The following WSCD1 variants were observed in gnomAD, a reference collection of about 807,000 sequenced individuals.
The protein encoded by WSCD1 is sialate:O-sulfotransferase 1.
In WSCD1, 41 loss-of-function variants were observed where a neutral mutation model predicts 60.4. The observed-to-expected ratio is 0.68, with a 90% CI of 0.53 to 0.88. The LOEUF (loss-of-function observed/expected upper bound fraction) is 0.88. Ranked by LOEUF, WSCD1 falls within the 40% of genes least tolerant of loss-of-function variation. The pLI is 0.00. For missense variants in WSCD1, 784 were observed against 796.2 expected (o/e 0.98, Z 0.18); for synonymous variants, 361 against 332.5 (o/e 1.09, Z -0.93).
Position 6,110,737 on chromosome 17 carries a change from G to A in WSCD1, c.1010-34G>A. 1 of 1,583,766 alleles carries A rather than the reference G, an allele frequency of 6.3e-7. No individual in the cohort carries two copies. The highest frequency in any genetic ancestry group is 8.6e-7 in the Non-Finnish European group (1 of 1,158,974). On this transcript the variant is annotated intron_variant, in intron 6 of 8. Coordinates refer to ENST00000317744, the MANE Select transcript of WSCD1 (RefSeq NM_015253.2). The surrounding 1 kb of genome is among the most constrained non-coding windows in gnomAD (Gnocchi z 4.8). ...GGTGAATTGGTGAGTCATAATGGAAGTGAGTAACCCCGTGATGACTTTTGG... is the reference window on the plus strand; with the variant it reads ...GGTGAATTGGTGAGTCATAATGGAAATGAGTAACCCCGTGATGACTTTTGG...
chr17:6,096,311 T>C (rs1402257836), intron 5 of WSCD1, among the ~76,000 whole-genome samples: 3 of 151,930 alleles, frequency 2.0e-5, no homozygotes, highest in Non-Finnish European at 4.4e-5. Flanking sequence ...GGTGCAGGGG[T>C]GGACTTCAAT....
rs568045284 is a variant in WSCD1 at position 6,090,621 on chromosome 17, C to G, written c.727+116C>G. On this transcript the variant is annotated intron_variant, in intron 4 of 8. Transcript: ENST00000317744. ...GGGCAGAACCTGTGCCAACCTCTGC[C>G]CTCCCTTCCCTATTGCCATCACTGG... 1.2e-4 allele frequency: 164 copies of G among 1,372,516 alleles called. No homozygotes were observed. The African/African-American group carries it at 2.2e-3, about 18-fold the overall frequency. 85.0% of individuals were successfully genotyped at this position (1,372,516 alleles called of 1,614,324 possible).
chr17:6,093,932 G>A (rs1440768109), intron 4 of WSCD1, among the ~76,000 whole-genome samples: 1 of 152,194 alleles, frequency 6.6e-6, no homozygotes, highest in African/African-American at 2.4e-5. Flanking sequence ...GCCCTGACAC[G>A]TGCACCACAG....
At chr17:6,119,350 G>T (rs924397449) in intron 8 of WSCD1, among the ~76,000 whole-genome samples, 1 of 152,270 alleles carries the variant, frequency 6.6e-6, no homozygotes, top group South Asian at 2.1e-4. Flanking sequence ...AGGAGCGCAG[G>T]CTGATGAGGT....
At position 6,121,156 on chromosome 17, in the gene WSCD1, G is replaced by A; in HGVS notation, c.*495G>A. On this transcript the variant is annotated 3_prime_UTR_variant, in exon 9 of 9. Transcript: ENST00000317744. ...GTTCGACTCTGGGATGCTGGGCCGG[G>A]CAGACATTTATGCTCTGAGCAGCAA... 5.9e-6 allele frequency: 1 copy of A among 169,760 alleles called. No individual in the cohort carries two copies. The highest frequency in any genetic ancestry group is 1.3e-5 in the Non-Finnish European group (1 of 79,216). 10.5% of individuals were successfully genotyped at this position (169,760 alleles called of 1,614,324 possible).
At chr17:6,098,537 T>A (rs1910596202) in intron 5 of WSCD1, among the ~76,000 whole-genome samples, 1 of 152,098 alleles carries the variant, frequency 6.6e-6, no homozygotes, top group African/African-American at 2.4e-5. Flanking sequence ...ATTGTTTGGG[T>A]CAGAACTACA....
intron 8 of WSCD1, among the ~76,000 whole-genome samples, chr17:6,119,674 C>T (rs753178142): frequency 1.7e-4 from 26 of 152,202 alleles, no homozygotes; most frequent in Non-Finnish European, 3.1e-4. Flanking sequence ...CGTATAACTC[C>T]GGGAAAGCTG....
intron 2 of WSCD1, among the ~76,000 whole-genome samples, chr17:6,086,249 T>TTATATATATATATATA (rs1481687453): frequency 3.5e-4 from 25 of 71,210 alleles, no homozygotes; most frequent in African/African-American, 1.3e-3. Flanking sequence ...CGTCCTGACT[T>TTATATATATATATATA]CATATATATA....
chr17:6,091,216 G>A (rs1025685732), intron 4 of WSCD1, among the ~76,000 whole-genome samples: 5 of 152,180 alleles, frequency 3.3e-5, no homozygotes, highest in Admixed American at 3.3e-4. Flanking sequence ...TTCTAGCAGT[G>A]GTGTGAGCTA....
intron 5 of WSCD1, among the ~76,000 whole-genome samples, chr17:6,098,155 G>GGC (rs1910567043): frequency 1.8e-5 from 2 of 113,004 alleles, no homozygotes; most frequent in South Asian, 2.7e-4. Context: ...GGGGGGCGGG[G>GGC]TGGGGGGGGT....
intron 1 of WSCD1, among the ~76,000 whole-genome samples, chr17:6,078,854 C>CA (rs1204111471): frequency 6.6e-6 from 1 of 152,064 alleles, no homozygotes; most frequent in Non-Finnish European, 1.5e-5. Flanking sequence ...AGAGATCAGT[C>CA]AGGATTTCTT....
chr17:6,092,143 G>T (rs1315451182), intron 4 of WSCD1, among the ~76,000 whole-genome samples: 4 of 128,326 alleles, frequency 3.1e-5, no homozygotes, highest in African/African-American at 1.2e-4. Flanking sequence ...GACAGAGTGA[G>T]ACTCTGTCTC....
chr17:6,120,161 G>A, intron 8 of WSCD1, 148 bp from the exon 9 acceptor site: 1 of 867,484 alleles, frequency 1.2e-6, no homozygotes, highest in African/African-American at 1.7e-5. Flanking sequence ...CCACCAAAGG[G>A]TCCTCCTCCA....
rs955583206 is a variant in WSCD1 at position 6,118,442 on chromosome 17, C to G, written c.1375+254C>G. Among the ~76,000 whole-genome samples, 2 of 152,136 alleles carry G rather than the reference C, an allele frequency of 1.3e-5. No individual in the cohort carries two copies. Among genetic ancestry groups the G allele is most frequent in the African/African-American group, 4.8e-5 (2 of 41,436 alleles). On this transcript the variant is annotated intron_variant, in intron 8 of 8. Transcript: ENST00000317744. This position sits in a 1 kb window ranked among gnomAD's most constrained non-coding sequence, Gnocchi z 5.8. ...TTTACTTAGATGCCAGCTTGATTAC[C>G]AAGAATCTTCTCTGCCTCCATGAGT... is the stretch of plus-strand genomic sequence containing the variant.
chr17:6,096,770 T>C (rs1357470300), intron 5 of WSCD1, among the ~76,000 whole-genome samples: 1 of 152,040 alleles, frequency 6.6e-6, no homozygotes, highest in Non-Finnish European at 1.5e-5. Flanking sequence ...TGAGCCACCC[T>C]CCTAGGGCTT....
intron 1 of WSCD1, among the ~76,000 whole-genome samples, chr17:6,073,190 A>G (rs1189142511): frequency 6.6e-6 from 1 of 152,074 alleles, no homozygotes; most frequent in African/African-American, 2.4e-5. Context: ...CACTCCACTC[A>G]CTTGTCCACC....
chr17:6,120,245 C>T, intron 8 of WSCD1, 64 bp from the exon 9 acceptor site: 2 of 1,553,632 alleles, frequency 1.3e-6, no homozygotes, highest in Non-Finnish European at 1.8e-6. Flanking sequence ...GAGCAGCCCC[C>T]CGGGGACCGG....
chr17:6,082,576 T>A (rs1174401647), intron 2 of WSCD1, among the ~76,000 whole-genome samples: 3 of 152,194 alleles, frequency 2.0e-5, no homozygotes, highest in Non-Finnish European at 4.4e-5. Context: ...CAAATGTGCC[T>A]GGTGCTTGGG....
chr17:6,094,603 G>T (rs1326240311), intron 4 of WSCD1, among the ~76,000 whole-genome samples: 2 of 150,542 alleles, frequency 1.3e-5, no homozygotes, highest in African/African-American at 4.9e-5. Context: ...AAGGAAGGAA[G>T]GAAGGAGAAG....
Sources: allele counts gnomAD v4.1 joint callset (sites outside exome capture counted in the v4.1 genomes callset), GRCh38; gene constraint gnomAD v4.1.1; non-coding constraint Gnocchi (gnomAD v3.1); transcripts MANE v1.5; gene names NCBI Gene and HGNC (gene_info 2026-07-23, HGNC 2026-07-21).